CD55: variants seen among roughly 807,000 people sequenced by gnomAD.
CD55 encodes the protein CD55 molecule (Cromer blood group).
In CD55, 41 loss-of-function variants were observed where a neutral mutation model predicts 45.8. The ratio of observed to expected loss-of-function variants is 0.90; its 90% CI spans 0.70 to 1.16. CD55 has a LOEUF of 1.16. Ranked by LOEUF, CD55 falls within the 50% of genes most tolerant of loss-of-function variation. The pLI, the probability that CD55 is intolerant of heterozygous loss-of-function variation, is 0.00. For synonymous variants in CD55, 181 were observed against 181.1 expected (o/e 1.00, Z 0.01); for missense variants, 416 against 469.8 (o/e 0.89, Z 1.06).
intron 9 of CD55, among the ~76,000 whole-genome samples, chr1:207,352,418 A>G (rs1203285900): frequency 2.6e-5 from 4 of 152,128 alleles, no homozygotes; most frequent in African/African-American, 4.8e-5. Flanking sequence ...TTCATCAGGT[A>G]TCACCCCCAT....
Position 207,322,202 on chromosome 1 carries a change from G to T in CD55, c.101-180G>T, listed in dbSNP as rs1654445324. 8.3e-6 allele frequency: 6 copies of T among 723,304 alleles called. No homozygotes were observed. In the East Asian group the frequency reaches 1.6e-4, roughly 19 times the overall value. 44.8% of individuals were successfully genotyped at this position (723,304 alleles called of 1,614,324 possible). A position where few individuals can be genotyped will look rare whatever the true frequency, so the allele number is the denominator to read the frequency against. On this transcript the variant is annotated intron_variant, in intron 1 of 9. Coordinates refer to ENST00000367064, the MANE Select transcript of CD55 (RefSeq NM_000574.5). ...AAAAAGCTGGTCTAAAAGGATGGGA[G>T]GCCAGACCGCTGACCGTTCCCCACT...
At chr1:207,332,055 T>C (rs1189815739) in intron 6 of CD55, among the ~76,000 whole-genome samples, 1 of 152,046 alleles carries the variant, frequency 6.6e-6, no homozygotes, top group East Asian at 1.9e-4. Context: ...ATTATAAGTG[T>C]TATACATAGA....
At chr1:207,359,516 CTTT>C (rs56236833) in intron 9 of CD55, 27 bp from the exon 10 acceptor site, 389 of 1,283,232 alleles carry the variant, frequency 3.0e-4, no homozygotes, top group Admixed American at 6.6e-4. Flanking sequence ...TTGATTTTAA[CTTT>C]TTTTTTTTTT....
intron 9 of CD55, chr1:207,347,100 CTT>C (rs1655669998): frequency 2.2e-6 from 1 of 456,260 alleles, no homozygotes; most frequent in Non-Finnish European, 4.4e-6. Flanking sequence ...TTGATGATCT[CTT>C]CAAAATGTGA....
At chr1:207,329,341 G>A (rs752084327) in intron 5 of CD55, among the ~76,000 whole-genome samples, 21 of 152,218 alleles carry the variant, frequency 1.4e-4, no homozygotes, top group Non-Finnish European at 2.6e-4. Context: ...GTTCAAGAGT[G>A]ACACTGATAG....
chr1:207,330,087 G>A (rs925130), intron 5 of CD55, among the ~76,000 whole-genome samples: 105,233 of 152,004 alleles, frequency 0.69, 36,889 homozygotes, highest in Middle Eastern at 0.83. Context: ...TCAGCTTTGC[G>A]CTTCCAATTA....
At chr1:207,358,799 T>C (rs1656174000) in intron 9 of CD55, among the ~76,000 whole-genome samples, 1 of 151,954 alleles carries the variant, frequency 6.6e-6, no homozygotes, top group Admixed American at 6.6e-5. Context: ...CTATGACATA[T>C]CGTCAGTTCT....
intron 4 of CD55, among the ~76,000 whole-genome samples, chr1:207,326,277 A>G (rs544862886): frequency 6.6e-5 from 10 of 152,264 alleles, no homozygotes; most frequent in African/African-American, 2.2e-4. Context: ...AAATAATTCT[A>G]TTTTACTCTG....
chr1:207,329,362 C>T (rs570775732), intron 5 of CD55, among the ~76,000 whole-genome samples: 10 of 152,328 alleles, frequency 6.6e-5, no homozygotes, highest in Middle Eastern at 3.4e-3. Flanking sequence ...CAATGGCCTC[C>T]TGCCTCCATT....
intron 9 of CD55, among the ~76,000 whole-genome samples, chr1:207,357,582 G>A (rs1337840859): frequency 1.5e-4 from 22 of 150,436 alleles, no homozygotes. Flanking sequence ...GGCGGAGGGC[G>A]GGCGGGGGCA....
Position 207,322,538 on chromosome 1 carries a change from A to T in CD55, c.257A>T (p.Gln86Leu), listed in dbSNP as rs989033407. The T allele has an allele frequency of 7.4e-6, 12 of 1,613,734 alleles. No individual in the cohort carries two copies. Among genetic ancestry groups the T allele is most frequent in the Non-Finnish European group, 9.3e-6 (11 of 1,179,840 alleles). Residue 86 changes from glutamine (Q) to leucine (L), a missense_variant, in exon 2 of 10, where the codon CAA (glutamine) becomes CTA (leucine). This residue lies in a region of CD55 where 111 missense variants were observed against 163.4 expected (regional missense o/e 0.68). Transcript: ENST00000367064. ...TCAGTGATCTGCCTTAAGGGCAGTC[A>T]ATGGTCAGATATTGAAGAGTTCTGC... ...KDSVICLKGS[Q>L]WSDIEEFCNR...
At chr1:207,328,586 C>T (rs951605950) in intron 5 of CD55, among the ~76,000 whole-genome samples, 1 of 152,228 alleles carries the variant, frequency 6.6e-6, no homozygotes, top group Non-Finnish European at 1.5e-5. Flanking sequence ...TAGAGCCTCA[C>T]TGTCAGAGGA....
At chr1:207,344,191 T>C (rs1350237472) in intron 9 of CD55, among the ~76,000 whole-genome samples, 4 of 152,370 alleles carry the variant, frequency 2.6e-5, no homozygotes, top group Non-Finnish European at 1.5e-5. Context: ...GAATTATTCC[T>C]GTCATCTTAT....
At chr1:207,349,084 T>C (rs1442626000) in intron 9 of CD55, among the ~76,000 whole-genome samples, 1 of 152,208 alleles carries the variant, frequency 6.6e-6, no homozygotes, top group Non-Finnish European at 1.5e-5. Flanking sequence ...AGAATGTATA[T>C]TTTTTAATTC....
intron 9 of CD55, among the ~76,000 whole-genome samples, chr1:207,349,720 C>A (rs917462690): frequency 6.6e-6 from 1 of 152,030 alleles, no homozygotes; most frequent in African/African-American, 2.4e-5. Flanking sequence ...GATTTTTGTA[C>A]CCCGAAGCTT....
intron 9 of CD55, among the ~76,000 whole-genome samples, chr1:207,357,544 C>G (rs1457201418): frequency 1.1e-4 from 4 of 35,110 alleles, no homozygotes; most frequent in Non-Finnish European, 2.1e-4. Flanking sequence ...CTCCCTGGAT[C>G]GGTGGGAATG....
intron 9 of CD55, among the ~76,000 whole-genome samples, chr1:207,355,297 G>A (rs1385140357): frequency 1.6e-5 from 2 of 126,104 alleles, no homozygotes; most frequent in Non-Finnish European, 3.2e-5. Flanking sequence ...GACCAATAGA[G>A]TTGAGTCCAA....
chr1:207,325,237 A>G (rs1449578350), intron 3 of CD55, among the ~76,000 whole-genome samples: 1 of 151,270 alleles, frequency 6.6e-6, no homozygotes, highest in African/African-American at 2.4e-5. Context: ...TGGAAGGCTG[A>G]GGCAGGAGAA....
At chr1:207,352,450 G>C (rs1268931458) in intron 9 of CD55, among the ~76,000 whole-genome samples, 3 of 151,720 alleles carry the variant, frequency 2.0e-5, no homozygotes, top group Non-Finnish European at 2.9e-5. Context: ...GCTTTCTGTT[G>C]GTTTTGTTTT....
Sources: allele counts gnomAD v4.1 joint callset (sites outside exome capture counted in the v4.1 genomes callset), GRCh38; gene constraint gnomAD v4.1.1; regional missense constraint gnomAD v4.1.1; transcripts MANE v1.5; gene names NCBI Gene and HGNC (gene_info 2026-07-23, HGNC 2026-07-21).